PID1: variants seen among roughly 807,000 people sequenced by gnomAD.
PID1 encodes the protein phosphotyrosine interaction domain containing 1.
A neutral mutation model predicts 19.1 loss-of-function variants in PID1; 10 were observed. The observed-to-expected ratio is 0.52, with a 90% CI of 0.32 to 0.89. PID1 has a LOEUF of 0.89. Ranked by LOEUF, PID1 falls within the 40% of genes least tolerant of loss-of-function variation. PID1 has a pLI of 0.03. For synonymous variants in PID1, 130 were observed against 116.0 expected (o/e 1.12, Z -0.78); for missense variants, 248 against 285.3 (o/e 0.87, Z 0.94).
At chr2:229,263,657 C>G (rs1037997659) in intron 1 of PID1, among the ~76,000 whole-genome samples, 4 of 152,318 alleles carry the variant, frequency 2.6e-5, no homozygotes, top group East Asian at 3.9e-4. Context: ...CAAAAGTTAT[C>G]TGTAGTCTCT....
intron 2 of PID1, among the ~76,000 whole-genome samples, chr2:229,131,314 T>A (rs1192722472): frequency 1.3e-5 from 2 of 151,892 alleles, no homozygotes; most frequent in Non-Finnish European, 2.9e-5. Flanking sequence ...CACTGCAGCC[T>A]CCACCTCCCG....
At chr2:229,083,860 G>A (rs1694713737) in intron 2 of PID1, among the ~76,000 whole-genome samples, 1 of 152,206 alleles carries the variant, frequency 6.6e-6, no homozygotes, top group African/African-American at 2.4e-5. Context: ...AGCTGCCACA[G>A]GGGCAACCTC....
At position 229,037,095 on chromosome 2, in the gene PID1, G is replaced by T. The variant is rs544482490; in HGVS notation, c.178-10987C>A. Among the ~76,000 whole-genome samples the T allele has an allele frequency of 4.9e-4, 74 of 152,260 alleles. 1 individual carries two copies. Among genetic ancestry groups the T allele is most frequent in the African/African-American group, 1.7e-3 (70 of 41,544 alleles). On this transcript the variant is annotated intron_variant, in intron 2 of 2. Transcript: ENST00000392055. ...ATCTCTAGGGCACATATATGCACAT[G>T]CCTTGGTTGGGAGATATTTATTTCA...
chr2:229,077,988 T>C (rs1195365063), intron 2 of PID1, among the ~76,000 whole-genome samples: 5 of 152,342 alleles, frequency 3.3e-5, no homozygotes, highest in Non-Finnish European at 7.4e-5. Flanking sequence ...TATGACAATT[T>C]CCACGATATT....
intron 1 of PID1, among the ~76,000 whole-genome samples, chr2:229,183,954 CTATATATATCCCA>C (rs1691015493): frequency 5.5e-4 from 1 of 1,820 alleles, no homozygotes; most frequent in African/African-American, 8.3e-3. Context: ...TATATATCCC[CTATATATATCCCA>C]TATATATATC....
At chr2:229,185,514 C>T (rs1251249835) in intron 1 of PID1, among the ~76,000 whole-genome samples, 1 of 152,162 alleles carries the variant, frequency 6.6e-6, no homozygotes, top group Non-Finnish European at 1.5e-5. Flanking sequence ...TACAGTTATA[C>T]ATGGCTGGGG....
At chr2:229,155,796 C>T in intron 2 of PID1, 22 bp downstream of exon 2, 1 of 1,594,670 alleles carries the variant, frequency 6.3e-7, no homozygotes, top group Non-Finnish European at 8.6e-7. Context: ...AAGAGAACCC[C>T]TGCTGGCCAC....
chr2:229,083,176 G>T (rs1483184907), intron 2 of PID1, among the ~76,000 whole-genome samples: 6 of 152,042 alleles, frequency 3.9e-5, no homozygotes, highest in Admixed American at 3.9e-4. Context: ...TTCTTTCCAT[G>T]GCCCAACTGA....
intron 2 of PID1, among the ~76,000 whole-genome samples, chr2:229,067,577 C>T (rs1377067817): frequency 6.6e-6 from 1 of 152,146 alleles, no homozygotes; most frequent in African/African-American, 2.4e-5. Flanking sequence ...GATGGCCATG[C>T]TGTTCTAACT....
chr2:229,105,837 T>C (rs1358946980), intron 2 of PID1, among the ~76,000 whole-genome samples: 2 of 152,146 alleles, frequency 1.3e-5, no homozygotes, highest in Non-Finnish European at 2.9e-5. Context: ...CCCAGCACTT[T>C]GGGAGGCTGA....
At chr2:229,093,135 TTTC>T (rs869111275) in intron 2 of PID1, among the ~76,000 whole-genome samples, 444 of 20,908 alleles carry the variant, frequency 0.021, 8 homozygotes, top group South Asian at 0.094. Context: ...TCTTTTTCTT[TTTC>T]TTTTTTTTTT....
At chr2:229,216,507 GAGAAAAGAGC>G (rs1691849414) in intron 1 of PID1, among the ~76,000 whole-genome samples, 1 of 152,162 alleles carries the variant, frequency 6.6e-6, no homozygotes, top group African/African-American at 2.4e-5. Context: ...CCATGTCTCA[GAGAAAAGAGC>G]AGAAAAATGA....
At chr2:229,032,163 C>A (rs1693568356) in intron 2 of PID1, among the ~76,000 whole-genome samples, 1 of 152,170 alleles carries the variant, frequency 6.6e-6, no homozygotes, top group Admixed American at 6.5e-5. Context: ...CTGTTTATGG[C>A]CCTGTATATG....
Position 229,063,802 on chromosome 2 carries a change from T to C in PID1, c.178-37694A>G, listed in dbSNP as rs555010250. ...AAAAATAACTTTATATACTTATATATGATTTGATGTTAGGTGCATATATAT... is the reference window on the plus strand; with the variant it reads ...AAAAATAACTTTATATACTTATATACGATTTGATGTTAGGTGCATATATAT... On this transcript the variant is annotated intron_variant, in intron 2 of 2. Transcript: ENST00000392055. Among the ~76,000 whole-genome samples, 12 of 152,242 alleles carry C rather than the reference T, an allele frequency of 7.9e-5. No individual in the cohort carries two copies. In the South Asian group the frequency reaches 2.5e-3, roughly 32 times the overall value.
intron 2 of PID1, among the ~76,000 whole-genome samples, chr2:229,066,033 C>G (rs992450978): frequency 6.6e-6 from 1 of 152,112 alleles, no homozygotes; most frequent in African/African-American, 2.4e-5. Flanking sequence ...CTACTTCTAA[C>G]ACAATTGCTG....
At chr2:229,095,582 C>T (rs188438786) in intron 2 of PID1, among the ~76,000 whole-genome samples, 6 of 152,226 alleles carry the variant, frequency 3.9e-5, no homozygotes, top group Non-Finnish European at 8.8e-5. Flanking sequence ...AATTAACATA[C>T]CAATGGTTCT....
At chr2:229,187,913 A>AAAT (rs1691170178) in intron 1 of PID1, among the ~76,000 whole-genome samples, 1 of 152,158 alleles carries the variant, frequency 6.6e-6, no homozygotes, top group Non-Finnish European at 1.5e-5. Flanking sequence ...ATCTGGCTTT[A>AAAT]GCCTCATCAT....
chr2:229,035,205 A>T (rs949418333), intron 2 of PID1, among the ~76,000 whole-genome samples: 1 of 152,200 alleles, frequency 6.6e-6, no homozygotes, highest in Non-Finnish European at 1.5e-5. Context: ...CGAATAAAGC[A>T]GATTACCCTT....
chr2:229,216,496 A>T (rs936331903), intron 1 of PID1, among the ~76,000 whole-genome samples: 2 of 152,190 alleles, frequency 1.3e-5, no homozygotes, highest in African/African-American at 4.8e-5. Flanking sequence ...CAGCTAAATG[A>T]CCATGTCTCA....
Sources: allele counts gnomAD v4.1 joint callset (sites outside exome capture counted in the v4.1 genomes callset), GRCh38; gene constraint gnomAD v4.1.1; transcripts MANE v1.5; gene names NCBI Gene and HGNC (gene_info 2026-07-23, HGNC 2026-07-21).